The following ARID5B variants were observed in gnomAD, a reference collection of about 807,000 sequenced individuals.
ARID5B encodes the protein AT-rich interactive domain-containing protein 5B.
In ARID5B, 13 loss-of-function variants were observed where a neutral mutation model predicts 97.2. The ratio of observed to expected loss-of-function variants is 0.13; its 90% CI spans 0.09 to 0.21. The LOEUF (loss-of-function observed/expected upper bound fraction) is 0.21. Among genes scored for constraint, ARID5B ranks in the 10% least tolerant of loss-of-function variants. ARID5B has a pLI of 1.00. For synonymous variants in ARID5B, 556 were observed against 570.3 expected (o/e 0.97, Z 0.36); for missense variants, 1,210 against 1,465.3 (o/e 0.83, Z 2.84).
At chr10:61,913,912 C>T (rs774101399) in intron 2 of ARID5B, among the ~76,000 whole-genome samples, 3 of 152,104 alleles carry the variant, frequency 2.0e-5, no homozygotes, top group African/African-American at 7.2e-5. Context: ...CCACCATGTC[C>T]GGCTAATTTT....
intron 3 of ARID5B, among the ~76,000 whole-genome samples, chr10:61,997,902 C>A (rs1304682373): frequency 1.3e-5 from 2 of 152,180 alleles, no homozygotes; most frequent in African/African-American, 2.4e-5. Context: ...AAAGTTTGAA[C>A]TTAGCGTCTT....
chr10:62,027,281 T>A (rs1385287191), intron 4 of ARID5B, among the ~76,000 whole-genome samples: 1 of 133,576 alleles, frequency 7.5e-6, no homozygotes, highest in African/African-American at 2.8e-5. Context: ...CCTCACAGTA[T>A]CTCCTTTTTT....
At chr10:62,004,098 A>G (rs1344341004) in intron 4 of ARID5B, among the ~76,000 whole-genome samples, 1 of 152,192 alleles carries the variant, frequency 6.6e-6, no homozygotes, top group East Asian at 1.9e-4. Flanking sequence ...TTGAGTAAAT[A>G]TATCCTGGTT....
intron 3 of ARID5B, among the ~76,000 whole-genome samples, chr10:61,966,540 A>G (rs1285662110): frequency 1.3e-5 from 2 of 151,792 alleles, no homozygotes; most frequent in African/African-American, 4.8e-5. Flanking sequence ...TTTTTTTCAC[A>G]TGCTCTGAAT....
intron 7 of ARID5B, among the ~76,000 whole-genome samples, chr10:62,062,787 A>G (rs1839938798): frequency 6.6e-6 from 1 of 150,588 alleles, no homozygotes; most frequent in Non-Finnish European, 1.5e-5. Context: ...TGCAAAAAAA[A>G]AAAAAAAAAA....
chr10:62,052,053 T>C (rs1839797496), intron 5 of ARID5B, among the ~76,000 whole-genome samples: 1 of 152,226 alleles, frequency 6.6e-6, no homozygotes, highest in Admixed American at 6.5e-5. Context: ...TCTTTAAGCA[T>C]CATTGTTTCA....
chr10:61,939,632 T>A (rs547281976), intron 2 of ARID5B, among the ~76,000 whole-genome samples: 1 of 152,324 alleles, frequency 6.6e-6, no homozygotes, highest in Admixed American at 6.5e-5. Flanking sequence ...TTATGAAGTA[T>A]TTCTTTTGGG....
chr10:62,042,365 T>C (rs1308803566), intron 4 of ARID5B, among the ~76,000 whole-genome samples: 27 of 152,008 alleles, frequency 1.8e-4, no homozygotes, highest in Admixed American at 1.5e-3. Flanking sequence ...TCTGGAGAGA[T>C]GAATAGGAGA....
intron 3 of ARID5B, among the ~76,000 whole-genome samples, chr10:61,966,992 A>T (rs371034826): frequency 1.3e-5 from 2 of 152,132 alleles, no homozygotes; most frequent in Admixed American, 6.5e-5. Flanking sequence ...ATTGGCTCGT[A>T]TAGAAATAAT....
intron 3 of ARID5B, among the ~76,000 whole-genome samples, chr10:61,977,306 T>C (rs1310020696): frequency 1.3e-5 from 2 of 152,214 alleles, no homozygotes; most frequent in Non-Finnish European, 2.9e-5. Flanking sequence ...TGAATAGTGC[T>C]GCAATAAACA....
At chr10:61,907,194 A>G (rs1476183962) in intron 2 of ARID5B, among the ~76,000 whole-genome samples, 1 of 152,072 alleles carries the variant, frequency 6.6e-6, no homozygotes, top group African/African-American at 2.4e-5. Flanking sequence ...AAGGATTTAC[A>G]TTTTAGTGCA....
At chr10:61,985,464 C>CT (rs1000129749) in intron 3 of ARID5B, among the ~76,000 whole-genome samples, 2 of 150,440 alleles carry the variant, frequency 1.3e-5, no homozygotes, top group African/African-American at 2.4e-5. Context: ...ATGTTAAATC[C>CT]TTTTTTTTTA....
At chr10:62,057,713 GGACAAAACAA>G (rs1206857269) in intron 6 of ARID5B, among the ~76,000 whole-genome samples, 1 of 151,988 alleles carries the variant, frequency 6.6e-6, no homozygotes, top group Non-Finnish European at 1.5e-5. Flanking sequence ...ATTTAAAGAT[GGACAAAACAA>G]CCACAAAGGG....
chr10:61,944,466 C>T (rs899408540), intron 3 of ARID5B, among the ~76,000 whole-genome samples: 5 of 152,104 alleles, frequency 3.3e-5, no homozygotes, highest in African/African-American at 4.8e-5. Flanking sequence ...TAAACACTAT[C>T]AGTTAAACAT....
intron 4 of ARID5B, among the ~76,000 whole-genome samples, chr10:62,016,741 TTTGGCA>T (rs1424497231): frequency 6.6e-6 from 1 of 152,204 alleles, no homozygotes; most frequent in Non-Finnish European, 1.5e-5. Flanking sequence ...GAAGAAATAT[TTTGGCA>T]TTGTCCTCTG....
intron 3 of ARID5B, among the ~76,000 whole-genome samples, chr10:61,976,731 A>T (rs1296315847): frequency 6.6e-6 from 1 of 152,164 alleles, no homozygotes; most frequent in African/African-American, 2.4e-5. Flanking sequence ...TATTTGCAAG[A>T]TTTACAAATG....
intron 8 of ARID5B, among the ~76,000 whole-genome samples, chr10:62,079,968 A>T (rs948342570): frequency 3.3e-5 from 5 of 152,264 alleles, no homozygotes; most frequent in Middle Eastern, 3.4e-3. Flanking sequence ...AATACAGGTG[A>T]TGCTAGTTAT....
chr10:62,085,620 G>T, intron 8 of ARID5B, 82 bp from the exon 9 acceptor site: 1 of 1,170,614 alleles, frequency 8.5e-7, no homozygotes, highest in Non-Finnish European at 1.2e-6. Flanking sequence ...TGCTTATATT[G>T]AGAAAAGAAA....
In ARID5B at chr10:62,095,205, GA is replaced by G. The variant is rs536857382; in HGVS notation, c.*2180del. 2.1e-5 allele frequency: 5 copies of G among 233,086 alleles called. No individual in the cohort carries two copies. Among genetic ancestry groups the G allele is most frequent in the East Asian group, 6.0e-5 (1 of 16,562 alleles). 14.4% of individuals were successfully genotyped at this position (233,086 alleles called of 1,614,324 possible). ...CTGCTATTGCACAAGCTAGAGGGGGGAAAAATCTCAATTCCAGCTGGCAAGA... is the reference window on the plus strand; with the variant it reads ...CTGCTATTGCACAAGCTAGAGGGGGGAAAATCTCAATTCCAGCTGGCAAGA... On this transcript the variant is annotated 3_prime_UTR_variant, in exon 10 of 10. Coordinates refer to ENST00000279873, the MANE Select transcript of ARID5B (RefSeq NM_032199.3).
Sources: allele counts gnomAD v4.1 joint callset (sites outside exome capture counted in the v4.1 genomes callset), GRCh38; gene constraint gnomAD v4.1.1; transcripts MANE v1.5; gene names NCBI Gene and HGNC (gene_info 2026-07-23, HGNC 2026-07-21).